Variants in MAST4 observed in about 807,000 individuals in gnomAD.
MAST4 encodes microtubule-associated serine/threonine-protein kinase 4.
Under a neutral mutation model 162.7 loss-of-function variants are expected in MAST4, and 89 were observed. The ratio of observed to expected loss-of-function variants is 0.55; its 90% CI spans 0.46 to 0.65. The LOEUF (loss-of-function observed/expected upper bound fraction) is 0.65. Ranked by LOEUF, MAST4 falls within the 30% of genes least tolerant of loss-of-function variation. The pLI is 0.00. For missense variants in MAST4, 3,153 were observed against 3,374.0 expected (o/e 0.93, Z 1.62); for synonymous variants, 1,479 against 1,361.1 (o/e 1.09, Z -1.91).
chr5:66,925,036 C>T (rs916210126), intron 4 of MAST4, among the ~76,000 whole-genome samples: 1 of 152,080 alleles, frequency 6.6e-6, no homozygotes, highest in African/African-American at 2.4e-5. Flanking sequence ...ATAGTTTTTA[C>T]CCATAATCTA....
chr5:66,762,935 TATA>T (rs1313353416), intron 2 of MAST4, among the ~76,000 whole-genome samples: 3 of 152,260 alleles, frequency 2.0e-5, no homozygotes, highest in Admixed American at 1.3e-4. Context: ...ATTTATCCCT[TATA>T]ATGATAGCTA....
intron 1 of MAST4, among the ~76,000 whole-genome samples, chr5:66,636,519 A>G (rs565810674): frequency 6.6e-6 from 1 of 152,174 alleles, no homozygotes; most frequent in Non-Finnish European, 1.5e-5. Flanking sequence ...GGTTAGCACA[A>G]TGAGATATGA....
At chr5:67,078,918 A>ATATTT (rs1554093907) in intron 5 of MAST4, among the ~76,000 whole-genome samples, 1 of 58,938 alleles carries the variant, frequency 1.7e-5, no homozygotes, top group African/African-American at 9.8e-5. Context: ...ATAAATATAT[A>ATATTT]TATATATATA....
At chr5:66,766,981 A>C (rs1754123933) in intron 2 of MAST4, among the ~76,000 whole-genome samples, 2 of 152,206 alleles carry the variant, frequency 1.3e-5, no homozygotes, top group African/African-American at 4.8e-5. Context: ...TCAGGGACCC[A>C]CATTCCATCT....
chr5:67,115,306 G>T (rs1005003498), intron 12 of MAST4, among the ~76,000 whole-genome samples: 6 of 152,122 alleles, frequency 3.9e-5, no homozygotes, highest in Admixed American at 6.5e-5. Context: ...TCATTAAATT[G>T]TATTTGCAAA....
At chr5:66,666,071 A>G (rs1386765240) in intron 1 of MAST4, among the ~76,000 whole-genome samples, 1 of 152,166 alleles carries the variant, frequency 6.6e-6, no homozygotes, top group Non-Finnish European at 1.5e-5. Flanking sequence ...CGAACACTTC[A>G]GTTTTCCTAA....
Position 67,085,902 on chromosome 5 carries a change from G to A in MAST4, c.764-4260G>A, listed in dbSNP as rs1763181393. Among the ~76,000 whole-genome samples, 3 of 152,134 alleles carry A rather than the reference G, an allele frequency of 2.0e-5. No homozygotes were observed. In the South Asian group the frequency reaches 6.2e-4, roughly 32 times the overall value. On this transcript the variant is annotated intron_variant, in intron 5 of 28. Transcript: ENST00000403625. ...GGGGGAACGGAACTGTTATTTTAGA[G>A]TTCACTCAGGTTGAGGTTCCTGCAT...
At chr5:66,718,709 C>T (rs910191682) in intron 1 of MAST4, among the ~76,000 whole-genome samples, 54 of 152,160 alleles carry the variant, frequency 3.5e-4, no homozygotes, top group Admixed American at 1.2e-3. Flanking sequence ...GTGCTCTGTT[C>T]CGGTAAAGCC....
At chr5:67,014,371 T>C (rs1193576991) in intron 4 of MAST4, among the ~76,000 whole-genome samples, 1 of 152,228 alleles carries the variant, frequency 6.6e-6, no homozygotes, top group Non-Finnish European at 1.5e-5. Context: ...CAAATGGCCT[T>C]AGTGACCAGT....
chr5:66,714,672 C>A (rs1289059661), intron 1 of MAST4, among the ~76,000 whole-genome samples: 1 of 152,228 alleles, frequency 6.6e-6, no homozygotes, highest in South Asian at 2.1e-4. Context: ...CTACAACTTT[C>A]TTCCATAGCT....
intron 3 of MAST4, among the ~76,000 whole-genome samples, chr5:66,840,687 G>A (rs909823351): frequency 3.9e-5 from 6 of 152,164 alleles, no homozygotes; most frequent in African/African-American, 1.4e-4. Context: ...TGCTTCTGCA[G>A]GTTCAAAGTC....
rs567881992 is a variant in MAST4 at position 66,943,383 on chromosome 5, T to C, written c.674+43401T>C. 4.1e-4 allele frequency among the ~76,000 whole-genome samples: 63 copies of C among 152,268 alleles called. No individual in the cohort carries two copies. In the South Asian group the frequency reaches 0.013, roughly 31 times the overall value. ...CTCATTGTGTTTAGTGTACAGGTTA[T>C]TAAACAAGGCCCTGAGATAAAGGAA... On this transcript the variant is annotated intron_variant, in intron 4 of 28. Transcript: ENST00000403625.
Position 67,136,528 on chromosome 5 carries a change from A to C in MAST4, c.2393-35A>C, listed in dbSNP as rs1271899850. ...TGCTGGGACCTGGACCCTCTTGTGA[A>C]CAATATGGTTATAAACAACTTTTCT... On this transcript the variant is annotated intron_variant, in intron 18 of 28. Transcript: ENST00000403625. 4 of 1,506,782 alleles carry C rather than the reference A, an allele frequency of 2.7e-6. No homozygotes were observed. The South Asian group carries it at 4.8e-5, about 18-fold the overall frequency. The allele number at this position is 1,506,782 out of a possible 1,614,324, so 93.3% of individuals were successfully genotyped here. A position where few individuals can be genotyped will look rare whatever the true frequency, so the allele number is the denominator to read the frequency against.
chr5:66,698,167 T>G (rs758781844), intron 1 of MAST4, among the ~76,000 whole-genome samples: 8 of 152,022 alleles, frequency 5.3e-5, no homozygotes, highest in Non-Finnish European at 7.4e-5. Context: ...TCTCACCTGA[T>G]GGACTGGGCT....
intron 5 of MAST4, among the ~76,000 whole-genome samples, chr5:67,076,105 A>G (rs1761614450): frequency 6.6e-6 from 1 of 152,172 alleles, no homozygotes; most frequent in Non-Finnish European, 1.5e-5. Flanking sequence ...GAAAGAAAAA[A>G]AAAATTGAGC....
Position 66,596,828 on chromosome 5 carries a change from C to A in MAST4, c.173C>A (p.Ser58Tyr). 1 of 1,315,648 alleles carries A rather than the reference C, an allele frequency of 7.6e-7. No homozygotes were observed. The highest frequency in any genetic ancestry group is 3.1e-5 in the East Asian group (1 of 32,212). 81.5% of individuals were successfully genotyped at this position (1,315,648 alleles called of 1,614,324 possible). Residue 58 changes from serine to tyrosine, a missense_variant, in exon 1 of 29, where the codon TCC becomes TAC. By Grantham distance (144) the Ser-to-Tyr change is moderately radical. Transcript: ENST00000403625. The part of the protein sequence containing the change: ...LSEEGEPGGF[S>Y]REHQPPPPPP... ...GAGGAAGGGGAGCCCGGCGGCTTCT[C>A]CAGAGAGCATCAGCCGCCGCCGCCG... is the stretch of plus-strand genomic sequence containing the variant.
chr5:66,975,318 T>C (rs1361677651), intron 4 of MAST4, among the ~76,000 whole-genome samples: 1 of 152,220 alleles, frequency 6.6e-6, no homozygotes, highest in African/African-American at 2.4e-5. Flanking sequence ...AGGAAGCAAA[T>C]GCAGTGGTAA....
chr5:66,819,766 C>T (rs1413077782), intron 3 of MAST4, among the ~76,000 whole-genome samples: 2 of 130,272 alleles, frequency 1.5e-5, no homozygotes, highest in Non-Finnish European at 3.2e-5. Flanking sequence ...AGCTTCTCCT[C>T]ACTGTGGGAT....
At chr5:66,803,119 TG>T (rs1256652397) in intron 3 of MAST4, among the ~76,000 whole-genome samples, 1 of 152,112 alleles carries the variant, frequency 6.6e-6, no homozygotes, top group Non-Finnish European at 1.5e-5. Flanking sequence ...AAAATAGGAA[TG>T]GTTAATCCTG....
Sources: allele counts gnomAD v4.1 joint callset (sites outside exome capture counted in the v4.1 genomes callset), GRCh38; gene constraint gnomAD v4.1.1; transcripts MANE v1.5; gene names NCBI Gene and HGNC (gene_info 2026-07-23, HGNC 2026-07-21).